Variants in CSDE1 observed in about 807,000 individuals in gnomAD.
The protein encoded by CSDE1 is cold shock domain containing E1, also known as cold shock domain-containing protein E1.
A neutral mutation model predicts 89.3 loss-of-function variants in CSDE1; 17 were observed. That is an observed-to-expected ratio of 0.19 (90% CI 0.13 to 0.29). CSDE1 has a LOEUF of 0.29. CSDE1 is among the 10% of genes least tolerant of loss of function. CSDE1 has a pLI of 1.00. For synonymous variants in CSDE1, 322 were observed against 332.8 expected, an observed-to-expected ratio of 0.97 and a Z score of 0.35; for missense variants, 672 against 984.2, an observed-to-expected ratio of 0.68 and a Z score of 4.24.
chr1:114,728,278 G>C (rs1659908091), intron 12 of CSDE1, among the ~76,000 whole-genome samples: 1 of 152,100 alleles, frequency 6.6e-6, no homozygotes. Context: ...AGTGAACTCA[G>C]GTCTGACTCC....
chr1:114,746,556 TCA>T (rs1376789411), intron 2 of CSDE1: 1 of 152,164 alleles, frequency 6.6e-6, no homozygotes, highest in African/African-American at 2.4e-5. Context: ...AACACCTGTC[TCA>T]CAGAGTTGTT....
intron 2 of CSDE1, chr1:114,748,456 AC>A: frequency 6.6e-6 from 1 of 152,336 alleles, no homozygotes; most frequent in South Asian, 2.1e-4. Context: ...TCATAAGCCT[AC>A]CCTCAAAGTT....
rs776640031 is a variant in CSDE1, at chr1:114,739,867, G to C, written c.24C>G (p.Leu8=). Reference sequence around the variant, plus strand: ...GGTACCCATTATGTCCATTGTTGTGGAGAAGGTTTGGATCAAAGCTCATCT... The same window carrying C: ...GGTACCCATTATGTCCATTGTTGTGCAGAAGGTTTGGATCAAAGCTCATCT... MSFDPNL[L]HNNGHNGYPN... Residue 8 remains leucine, a synonymous_variant, in exon 3 of 20, where the codon CTC becomes CTG. Coordinates refer to ENST00000358528, the MANE Select transcript of CSDE1 (RefSeq NM_001007553.3). 47 of 1,613,848 alleles carry C rather than the reference G, an allele frequency of 2.9e-5. 1 individual carries two copies. In the South Asian group the frequency reaches 4.6e-4, roughly 16 times the overall value.
chr1:114,736,740 TA>T lies in CSDE1; in HGVS notation c.500+17del, dbSNP rs200025239. On this transcript the variant is annotated intron_variant, in intron 6 of 19. Transcript: ENST00000358528. ...AAAAAACCGCTTAGGTGAGAAAATT[TA>T]AAAAAAAAGAACTTACTGTTTATTG... 2.1e-4 allele frequency: 319 copies of T among 1,521,334 alleles called. No individual in the cohort carries two copies. Among genetic ancestry groups the T allele is most frequent in the Middle Eastern group, 4.0e-4 (2 of 5,020 alleles). The allele number at this position is 1,521,334 out of a possible 1,614,324, so 94.2% of individuals were successfully genotyped here. A position where few individuals can be genotyped will look rare whatever the true frequency, so the allele number is the denominator to read the frequency against.
intron 2 of CSDE1, among the ~76,000 whole-genome samples, chr1:114,745,220 T>C (rs1379012059): frequency 1.3e-5 from 2 of 152,202 alleles, no homozygotes; most frequent in East Asian, 3.8e-4. Context: ...AATAACTGCA[T>C]TGCAGAAAAG....
chr1:114,718,160 T>G lies in CSDE1; in HGVS notation c.*9A>C, dbSNP rs9724612. On this transcript the variant is annotated 3_prime_UTR_variant, in exon 20 of 20. Coordinates refer to ENST00000358528, the MANE Select transcript of CSDE1 (RefSeq NM_001007553.3). ...CATAGTGGATTAATGGTGTGCTTTGTGGATGTGGTTAGTCAATGACACCAG... is the reference window on the plus strand; with the variant it reads ...CATAGTGGATTAATGGTGTGCTTTGGGGATGTGGTTAGTCAATGACACCAG... 509 of 1,614,032 alleles carry G rather than the reference T, an allele frequency of 3.2e-4. 2 individuals carry two copies. In the African/African-American group the frequency reaches 5.4e-3, roughly 17 times the overall value.
At chr1:114,726,530 C>A in intron 13 of CSDE1, 144 bp from the exon 14 acceptor site, 1 of 639,734 alleles carries the variant, frequency 1.6e-6, no homozygotes, top group Non-Finnish European at 2.5e-6. Context: ...TTGATTTTCA[C>A]CAAAACATTT....
At chr1:114,718,474 G>T in intron 19 of CSDE1, 139 bp downstream of exon 19, 1 of 1,200,622 alleles carries the variant, frequency 8.3e-7, no homozygotes, top group Non-Finnish European at 1.1e-6. Flanking sequence ...GAACCAATGT[G>T]TAGAAAGTCC....
chr1:114,722,844 T>C (rs765822361), intron 16 of CSDE1, among the ~76,000 whole-genome samples: 21 of 152,192 alleles, frequency 1.4e-4, no homozygotes, highest in Non-Finnish European at 2.4e-4. Flanking sequence ...ACAGTGGTTT[T>C]ATGTAGAACA....
At chr1:114,735,842 G>T (rs1223405695) in intron 6 of CSDE1, among the ~76,000 whole-genome samples, 1 of 152,092 alleles carries the variant, frequency 6.6e-6, no homozygotes, top group Non-Finnish European at 1.5e-5. Context: ...GTATGCTGAT[G>T]AATTCTACAG....
intron 16 of CSDE1, among the ~76,000 whole-genome samples, chr1:114,721,550 T>A (rs1290546024): frequency 3.9e-5 from 6 of 152,204 alleles, no homozygotes; most frequent in Admixed American, 6.5e-5. Flanking sequence ...AGCAGAAGCT[T>A]CTAACCATCC....
At chr1:114,739,222 G>A (rs1036064084) in intron 3 of CSDE1, among the ~76,000 whole-genome samples, 1 of 151,818 alleles carries the variant, frequency 6.6e-6, no homozygotes, top group East Asian at 1.9e-4. Context: ...TAGTAGAGAC[G>A]GGGTTTCACC....
intron 9 of CSDE1, among the ~76,000 whole-genome samples, chr1:114,733,354 C>T (rs927580895): frequency 2.0e-5 from 3 of 151,944 alleles, no homozygotes; most frequent in Admixed American, 6.6e-5. Flanking sequence ...GGTGAAACCC[C>T]GTCTTTACTA....
chr1:114,733,695 G>A (rs747197890), intron 9 of CSDE1, 37 bp downstream of exon 9: 9 of 1,587,860 alleles, frequency 5.7e-6, no homozygotes, highest in East Asian at 2.2e-5. Context: ...TATTACTACT[G>A]AGGCGAAATA....
Position 114,720,323 on chromosome 1 carries a change from T to C in CSDE1, c.2052+216A>G, listed in dbSNP as rs1557988137. On this transcript the variant is annotated intron_variant, in intron 17 of 19. Transcript: ENST00000358528. ...TATTTTCCCCATTGCATAATATTAG[T>C]TACTAATACCAATCTTACTTTCTCA... is the stretch of plus-strand genomic sequence containing the variant. 1.5e-5 allele frequency: 7 copies of C among 482,432 alleles called. No individual in the cohort carries two copies. The East Asian group carries it at 2.0e-4, about 14-fold the overall frequency. The allele number at this position is 482,432 out of a possible 1,614,324, so 29.9% of individuals were successfully genotyped here.
intron 12 of CSDE1, chr1:114,727,858 T>C (rs1039930814): frequency 2.0e-5 from 3 of 152,192 alleles, no homozygotes; most frequent in African/African-American, 7.2e-5. Context: ...GTGTGTCGTA[T>C]TGAATCACAC....
intron 2 of CSDE1, chr1:114,746,894 T>C (rs529447334): frequency 2.0e-5 from 3 of 152,352 alleles, no homozygotes; most frequent in Admixed American, 6.5e-5. Context: ...GTTCCTGTCA[T>C]AGGTCTCTAT....
chr1:114,736,723 G>C, intron 6 of CSDE1, 35 bp downstream of exon 6: 2 of 1,412,004 alleles, frequency 1.4e-6, no homozygotes, highest in Non-Finnish European at 2.0e-6. Flanking sequence ...AAAAAAAACC[G>C]CTTAGGTGAG....
Position 114,749,264 on chromosome 1 carries a change from T to C in CSDE1, c.-1+557A>G, listed in dbSNP as rs367907443. ...CTATATTGTGATATTGTGTAACAAA[T>C]TGTTCTAAATCATTAAGTCCATTAG... On this transcript the variant is annotated intron_variant, in intron 2 of 19. Coordinates refer to ENST00000358528, the MANE Select transcript of CSDE1 (RefSeq NM_001007553.3). 5.6e-3 allele frequency among the ~76,000 whole-genome samples: 825 copies of C among 146,896 alleles called. 71 individuals are homozygous for C. The South Asian group carries it at 0.17, about 30-fold the overall frequency.
Sources: allele counts gnomAD v4.1 joint callset (sites outside exome capture counted in the v4.1 genomes callset), GRCh38; gene constraint gnomAD v4.1.1; transcripts MANE v1.5; gene names NCBI Gene and HGNC (gene_info 2026-07-23, HGNC 2026-07-21).